HCN1: variants seen among roughly 807,000 people sequenced by gnomAD.
HCN1 encodes potassium/sodium hyperpolarization-activated cyclic nucleotide-gated channel 1.
HCN1 carries 13 observed loss-of-function variants against 78.9 expected under a neutral mutation model. That is an observed-to-expected ratio of 0.16 (90% CI 0.11 to 0.26). The LOEUF (loss-of-function observed/expected upper bound fraction) is 0.26. Ranked by LOEUF, HCN1 falls within the 10% of genes least tolerant of loss-of-function variation. The probability of loss-of-function intolerance (pLI) is 1.00; values close to 1 mark genes in which losing one functional copy is unlikely to be tolerated. For missense variants in HCN1, 810 were observed against 1,154.3 expected, an observed-to-expected ratio of 0.70 and a Z score of 4.32; for synonymous variants, 552 against 455.5, an observed-to-expected ratio of 1.21 and a Z score of -2.70.
chr5:45,321,313 A>G (rs1746121695), intron 5 of HCN1, among the ~76,000 whole-genome samples: 1 of 151,852 alleles, frequency 6.6e-6, no homozygotes, highest in South Asian at 2.1e-4. Flanking sequence ...GGGGAAAAAC[A>G]ACGTAACAAT....
At chr5:45,467,563 T>A (rs1030822239) in intron 2 of HCN1, among the ~76,000 whole-genome samples, 7 of 152,066 alleles carry the variant, frequency 4.6e-5, no homozygotes, top group Non-Finnish European at 1.0e-4. Context: ...GGAAGATTAC[T>A]GGAGAGCAAA....
intron 2 of HCN1, among the ~76,000 whole-genome samples, chr5:45,535,466 T>C (rs1742946532): frequency 6.6e-6 from 1 of 151,806 alleles, no homozygotes; most frequent in African/African-American, 2.4e-5. Context: ...GGTGTGGTGG[T>C]GGGTACCTGT....
chr5:45,677,373 G>A (rs1314896888), intron 1 of HCN1, among the ~76,000 whole-genome samples: 1 of 151,798 alleles, frequency 6.6e-6, no homozygotes, highest in African/African-American at 2.4e-5. Flanking sequence ...GTAGAGCCTT[G>A]TCTAAAGGTG....
At chr5:45,620,681 C>G (rs1745043274) in intron 2 of HCN1, among the ~76,000 whole-genome samples, 1 of 151,892 alleles carries the variant, frequency 6.6e-6, no homozygotes. Flanking sequence ...CAAATCTCAG[C>G]AAAATTCCAA....
At chr5:45,274,331 C>T (rs1230208238) in intron 6 of HCN1, among the ~76,000 whole-genome samples, 4 of 152,094 alleles carry the variant, frequency 2.6e-5, no homozygotes, top group African/African-American at 9.7e-5. Context: ...AATCTTAGCT[C>T]CAAGTTCAAT....
At chr5:45,344,087 T>C (rs890772246) in intron 5 of HCN1, among the ~76,000 whole-genome samples, 9 of 152,114 alleles carry the variant, frequency 5.9e-5, no homozygotes, top group Admixed American at 3.3e-4. Context: ...CTTACACTTA[T>C]GGTAAAAGGG....
At chr5:45,444,910 T>C (rs1740755943) in intron 3 of HCN1, among the ~76,000 whole-genome samples, 1 of 152,116 alleles carries the variant, frequency 6.6e-6, no homozygotes, top group African/African-American at 2.4e-5. Flanking sequence ...GGAGCCAAGA[T>C]GGCCGAATAG....
Position 45,406,907 on chromosome 5 carries a change from A to T in HCN1, c.1012-10197T>A, listed in dbSNP as rs73101207. On this transcript the variant is annotated intron_variant, in intron 3 of 7. Transcript: ENST00000303230. Reference sequence around the variant, plus strand: ...TTGTACTTTAGTTTTATACTTTCCTATTAGTCAAAAACTTTTAATGAATTC... The same window carrying T: ...TTGTACTTTAGTTTTATACTTTCCTTTTAGTCAAAAACTTTTAATGAATTC... 8.6e-3 allele frequency among the ~76,000 whole-genome samples: 1,303 copies of T among 152,268 alleles called. 26 individuals carry two copies. Among genetic ancestry groups the T allele is most frequent in the African/African-American group, 0.031 (1,276 of 41,554 alleles).
At chr5:45,596,882 G>A (rs1744510704) in intron 2 of HCN1, among the ~76,000 whole-genome samples, 1 of 152,070 alleles carries the variant, frequency 6.6e-6, no homozygotes, top group Admixed American at 6.6e-5. Flanking sequence ...TAAGTGAAAA[G>A]GCAAGGAACT....
chr5:45,420,884 A>T (rs1740213262), intron 3 of HCN1, among the ~76,000 whole-genome samples: 1 of 152,184 alleles, frequency 6.6e-6, no homozygotes, highest in Non-Finnish European at 1.5e-5. Context: ...TCCCAAAGTG[A>T]CAGCTAACTT....
At chr5:45,527,383 C>A (rs1387569342) in intron 2 of HCN1, among the ~76,000 whole-genome samples, 3 of 140,364 alleles carry the variant, frequency 2.1e-5, no homozygotes, top group African/African-American at 8.0e-5. Flanking sequence ...AGCTTAATCA[C>A]CCCTGCCACA....
chr5:45,293,906 G>T (rs1212502970), intron 6 of HCN1, among the ~76,000 whole-genome samples: 1 of 151,700 alleles, frequency 6.6e-6, no homozygotes, highest in Non-Finnish European at 1.5e-5. Flanking sequence ...TACCAGCATG[G>T]ACAAAATTAC....
At chr5:45,527,580 C>T (rs1358920689) in intron 2 of HCN1, among the ~76,000 whole-genome samples, 1 of 150,470 alleles carries the variant, frequency 6.6e-6, no homozygotes, top group Non-Finnish European at 1.5e-5. Context: ...TGTCTCTCTC[C>T]CATCATTCTC....
chr5:45,484,532 C>T (rs957457800), intron 2 of HCN1, among the ~76,000 whole-genome samples: 1 of 152,082 alleles, frequency 6.6e-6, no homozygotes, highest in Admixed American at 6.6e-5. Flanking sequence ...GTCCCCTTGC[C>T]CTCCCCCTCT....
In HCN1 at chr5:45,257,637, G is replaced by A. The variant is rs1490996097; in HGVS notation, c.*4284C>T. 8 of 152,166 alleles carry A rather than the reference G, an allele frequency of 5.3e-5. No individual in the cohort carries two copies. The highest frequency in any genetic ancestry group is 1.9e-4 in the African/African-American group (8 of 41,432). The allele number at this position is 152,166 out of a possible 1,614,324, so 9.4% of individuals were successfully genotyped here. On this transcript the variant is annotated 3_prime_UTR_variant, in exon 8 of 8. Transcript: ENST00000303230. Reference sequence around the variant, plus strand: ...ATTAGGGTGAGACAAGAGATGCAGGGTTGTGCAAGTGCAGGGTTGTTAAAA... The same window carrying A: ...ATTAGGGTGAGACAAGAGATGCAGGATTGTGCAAGTGCAGGGTTGTTAAAA...
At chr5:45,549,531 A>T (rs1176916547) in intron 2 of HCN1, among the ~76,000 whole-genome samples, 1 of 152,198 alleles carries the variant, frequency 6.6e-6, no homozygotes, top group Non-Finnish European at 1.5e-5. Context: ...TTAGACCTAA[A>T]ACCATAAAAA....
chr5:45,603,853 T>C (rs971756627), intron 2 of HCN1, among the ~76,000 whole-genome samples: 2 of 152,132 alleles, frequency 1.3e-5, no homozygotes, highest in East Asian at 3.9e-4. Flanking sequence ...TAAGCATTCT[T>C]AGAGAAACAG....
chr5:45,546,865 G>T (rs1205738570), intron 2 of HCN1, among the ~76,000 whole-genome samples: 3 of 151,808 alleles, frequency 2.0e-5, no homozygotes, highest in African/African-American at 7.2e-5. Flanking sequence ...TTCACGAGTA[G>T]AATACTTTAC....
chr5:45,539,925 T>G (rs1280010650), intron 2 of HCN1, among the ~76,000 whole-genome samples: 9 of 4,380 alleles, frequency 2.1e-3, no homozygotes, highest in Admixed American at 0.01. Flanking sequence ...GTGAGATATA[T>G]ATATATATAT....
Sources: gnomAD v4.1 joint callset for allele counts (sites outside exome capture counted in the v4.1 genomes callset) on GRCh38, gnomAD v4.1.1 for gene constraint, MANE v1.5 for transcripts, NCBI Gene and HGNC (gene_info 2026-07-23, HGNC 2026-07-21) for gene names.